Variants in DGKB observed in about 807,000 individuals in gnomAD.
DGKB encodes the protein diacylglycerol kinase beta, also known as 90 kDa diacylglycerol kinase.
In DGKB, 67 loss-of-function variants were observed where a neutral mutation model predicts 114.3. That is an observed-to-expected ratio of 0.59 (90% confidence interval 0.48 to 0.72). The LOEUF (loss-of-function observed/expected upper bound fraction) is 0.72, where lower values mean the gene tolerates loss of function less well. Ranked by LOEUF, DGKB falls within the 30% of genes least tolerant of loss-of-function variation. The probability of loss-of-function intolerance (pLI) is 0.00; values close to 1 mark genes in which losing one functional copy is unlikely to be tolerated. For synonymous variants in DGKB, 398 were observed against 323.1 expected (o/e 1.23, Z -2.49); for missense variants, 907 against 975.2 (o/e 0.93, Z 0.93).
At chr7:14,474,379 G>A (rs1014101970) in intron 21 of DGKB, among the ~76,000 whole-genome samples, 6 of 152,180 alleles carry the variant, frequency 3.9e-5, no homozygotes, top group African/African-American at 1.4e-4. Context: ...ATGTGGAACT[G>A]TAAGTCCAAT....
At chr7:14,724,805 C>T (rs979791747) in intron 5 of DGKB, among the ~76,000 whole-genome samples, 1 of 152,154 alleles carries the variant, frequency 6.6e-6, no homozygotes, top group African/African-American at 2.4e-5. Flanking sequence ...GACAAATCAT[C>T]TCATTCCAAA....
At chr7:14,934,219 T>C (rs188723692) in intron 1 of DGKB, among the ~76,000 whole-genome samples, 31 of 152,320 alleles carry the variant, frequency 2.0e-4, no homozygotes, top group African/African-American at 7.5e-4. Flanking sequence ...ATTTGAATTA[T>C]GTTTCCCTCT....
At chr7:14,517,603 A>G (rs908548441) in intron 20 of DGKB, among the ~76,000 whole-genome samples, 31 of 152,154 alleles carry the variant, frequency 2.0e-4, no homozygotes, top group African/African-American at 7.5e-4. Context: ...AGAAATTTAA[A>G]CAAATTTACA....
At position 14,731,218 on chromosome 7, in the gene DGKB, A is replaced by C. The variant is rs190691559; in HGVS notation, c.322+4823T>G. ...ATAGTAGCAGGTTTGTGCAGAATCT[A>C]ATTAATGAACTTTCAAACACAGTTA... On this transcript the variant is annotated intron_variant, in intron 5 of 25. Transcript: ENST00000402815. Among the ~76,000 whole-genome samples, 239 of 152,292 alleles carry C rather than the reference A, an allele frequency of 1.6e-3. 1 individual carries two copies. Among genetic ancestry groups the C allele is most frequent in the African/African-American group, 5.5e-3 (230 of 41,560 alleles).
rs998504876 is a variant in DGKB at position 14,541,820 on chromosome 7, GTAA to G, written c.1770+32389_1770+32391del. ...TCAGTAAGTCAGACAATGTTGTAAT[GTAA>G]TAATATTTTAATAGAGATTTCAATT... On this transcript the variant is annotated intron_variant, in intron 20 of 25. Coordinates refer to ENST00000402815, the MANE Select transcript of DGKB (RefSeq NM_001350709.2). Among the ~76,000 whole-genome samples the G allele has an allele frequency of 4.6e-5, 7 of 152,290 alleles. 1 individual carries two copies. The highest frequency in any genetic ancestry group is 3.9e-4 in the East Asian group (2 of 5,176).
chr7:14,359,131 C>T (rs950126741), intron 21 of DGKB, among the ~76,000 whole-genome samples: 10 of 151,094 alleles, frequency 6.6e-5, no homozygotes, highest in Admixed American at 4.0e-4. Flanking sequence ...TATAGAACAA[C>T]GGAACAGAAC....
rs1781414918 is a variant in DGKB at position 14,145,765 on chromosome 7, C to T, written c.*3366G>A. On this transcript the variant is annotated 3_prime_UTR_variant, in exon 26 of 26. Transcript: ENST00000402815. ...AGCCATTGCGCCTGGCCACATTTTC[C>T]TTTTTATAACCAATGAACAACAAAC... 1 of 152,126 alleles carries T rather than the reference C, an allele frequency of 6.6e-6. No individual in the cohort carries two copies. The highest frequency in any genetic ancestry group is 1.5e-5 in the Non-Finnish European group (1 of 68,018). The allele number at this position is 152,126 out of a possible 1,614,324, so 9.4% of individuals were successfully genotyped here. A position where few individuals can be genotyped will look rare whatever the true frequency, so the allele number is the denominator to read the frequency against.
intron 21 of DGKB, among the ~76,000 whole-genome samples, chr7:14,455,939 T>C (rs1832222360): frequency 6.6e-6 from 1 of 152,046 alleles, no homozygotes; most frequent in Non-Finnish European, 1.5e-5. Flanking sequence ...CCTTCACTGT[T>C]GAATTTGTGC....
intron 17 of DGKB, among the ~76,000 whole-genome samples, chr7:14,600,504 G>T (rs148835441): frequency 6.6e-6 from 1 of 152,042 alleles, no homozygotes. Context: ...TCCTCTAACC[G>T]TCATCTAAAT....
At chr7:14,781,375 G>A (rs546771465) in intron 2 of DGKB, among the ~76,000 whole-genome samples, 6 of 152,246 alleles carry the variant, frequency 3.9e-5, no homozygotes, top group African/African-American at 1.4e-4. Context: ...TACACCAGCT[G>A]AATGCAAATA....
At chr7:14,192,067 G>A in intron 23 of DGKB, 1 of 438,422 alleles carries the variant, frequency 2.3e-6, no homozygotes, top group South Asian at 1.7e-5. Flanking sequence ...GTCGCTGTGG[G>A]TGTCATCAAA....
intron 23 of DGKB, among the ~76,000 whole-genome samples, chr7:14,273,334 A>G (rs1188738838): frequency 6.6e-6 from 1 of 152,186 alleles, no homozygotes; most frequent in Non-Finnish European, 1.5e-5. Context: ...TGACAGAGCT[A>G]GACCCTATCT....
At chr7:14,346,667 A>C (rs1166460258) in intron 21 of DGKB, among the ~76,000 whole-genome samples, 2 of 152,024 alleles carry the variant, frequency 1.3e-5, no homozygotes, top group African/African-American at 4.8e-5. Context: ...TAAACATTTA[A>C]TGACAAGATT....
At chr7:14,491,235 T>C (rs1784557003) in intron 20 of DGKB, among the ~76,000 whole-genome samples, 1 of 152,048 alleles carries the variant, frequency 6.6e-6, no homozygotes, top group East Asian at 1.9e-4. Flanking sequence ...TTTTCCCCTA[T>C]ATTGTCCTCA....
intron 21 of DGKB, among the ~76,000 whole-genome samples, chr7:14,442,310 A>T (rs1419962439): frequency 6.6e-6 from 1 of 151,794 alleles, no homozygotes; most frequent in African/African-American, 2.4e-5. Context: ...AAATTTCTTT[A>T]TAATATTCTT....
intron 23 of DGKB, among the ~76,000 whole-genome samples, chr7:14,184,491 C>T (rs1331035304): frequency 6.6e-6 from 1 of 152,128 alleles, no homozygotes; most frequent in Non-Finnish European, 1.5e-5. Context: ...TGTGTGAGGC[C>T]TGTGACTGTG....
At chr7:14,938,232 T>G (rs1400151613) in intron 1 of DGKB, among the ~76,000 whole-genome samples, 1 of 152,128 alleles carries the variant, frequency 6.6e-6, no homozygotes, top group African/African-American at 2.4e-5. Flanking sequence ...TCAGGGTGCT[T>G]TAAAAATGTG....
chr7:14,447,476 G>C lies in DGKB; in HGVS notation c.1835+30685C>G, dbSNP rs539115986. 3.3e-5 allele frequency among the ~76,000 whole-genome samples: 5 copies of C among 152,182 alleles called. No homozygotes were observed. In the South Asian group the frequency reaches 1.0e-3, roughly 32 times the overall value. On this transcript the variant is annotated intron_variant, in intron 21 of 25. Coordinates refer to ENST00000402815, the MANE Select transcript of DGKB (RefSeq NM_001350709.2). ...GATATGGGTCTGAAAATTCACATAT[G>C]CAGAGTTACTTATGTATAGAAATAG...
chr7:14,973,809 G>A (rs1787637836), intron 1 of DGKB, among the ~76,000 whole-genome samples: 1 of 146,810 alleles, frequency 6.8e-6, no homozygotes, highest in Non-Finnish European at 1.5e-5. Flanking sequence ...TTTCAGATAG[G>A]TTGTGTATAT....
Sources: allele counts gnomAD v4.1 joint callset (sites outside exome capture counted in the v4.1 genomes callset), GRCh38; gene constraint gnomAD v4.1.1; transcripts MANE v1.5; gene names NCBI Gene and HGNC (gene_info 2026-07-23, HGNC 2026-07-21).